Variants in PRKG1 observed in about 807,000 individuals in gnomAD.
The protein encoded by PRKG1 is protein kinase cGMP-dependent 1.
A neutral mutation model predicts 88.1 loss-of-function variants in PRKG1; 35 were observed. The ratio of observed to expected loss-of-function variants is 0.40; its 90% CI spans 0.30 to 0.53. The LOEUF (loss-of-function observed/expected upper bound fraction) is 0.53. Among genes scored for constraint, PRKG1 ranks in the 20% least tolerant of loss-of-function variants. The pLI is 0.59. For synonymous variants in PRKG1, 303 were observed against 292.5 expected (o/e 1.04, Z -0.37); for missense variants, 540 against 839.8 (o/e 0.64, Z 4.41).
At chr10:51,318,289 G>A (rs2132503323) in intron 2 of PRKG1, among the ~76,000 whole-genome samples, 1 of 152,250 alleles carries the variant, frequency 6.6e-6, no homozygotes, top group South Asian at 2.1e-4. Flanking sequence ...ATGTCATAAG[G>A]ATTTGGTAAG....
At chr10:52,115,998 T>C (rs1847677410) in intron 7 of PRKG1, among the ~76,000 whole-genome samples, 3 of 152,030 alleles carry the variant, frequency 2.0e-5, no homozygotes, top group Non-Finnish European at 2.9e-5. Flanking sequence ...CTCAGCAATA[T>C]AGACAGGAAG....
chr10:51,459,356 C>A (rs1285751733), intron 2 of PRKG1, among the ~76,000 whole-genome samples: 1 of 152,134 alleles, frequency 6.6e-6, no homozygotes, highest in Non-Finnish European at 1.5e-5. Flanking sequence ...AAGTATGAGA[C>A]TTTCCCACTG....
At chr10:51,962,110 A>G (rs1589460005) in intron 5 of PRKG1, among the ~76,000 whole-genome samples, 1 of 152,146 alleles carries the variant, frequency 6.6e-6, no homozygotes, top group Non-Finnish European at 1.5e-5. Context: ...CAAAGAGTAC[A>G]CCACAGGCTG....
At chr10:51,352,918 CA>C (rs1383045630) in intron 2 of PRKG1, among the ~76,000 whole-genome samples, 6 of 151,930 alleles carry the variant, frequency 3.9e-5, no homozygotes, top group African/African-American at 1.4e-4. Context: ...ACAAACAAAA[CA>C]AACAACAACA....
chr10:51,078,333 C>G (rs1176006176), intron 1 of PRKG1, among the ~76,000 whole-genome samples: 1 of 151,188 alleles, frequency 6.6e-6, no homozygotes, highest in Non-Finnish European at 1.5e-5. Context: ...ACTCTCCCAT[C>G]GCAGCCTCCT....
At chr10:51,574,774 A>G (rs932131680) in intron 3 of PRKG1, among the ~76,000 whole-genome samples, 1 of 151,996 alleles carries the variant, frequency 6.6e-6, no homozygotes, top group South Asian at 2.1e-4. Context: ...AACAGACTTT[A>G]TAGCCTTCTC....
intron 7 of PRKG1, among the ~76,000 whole-genome samples, chr10:52,115,976 C>A (rs753386516): frequency 6.6e-6 from 1 of 151,874 alleles, no homozygotes; most frequent in Non-Finnish European, 1.5e-5. Flanking sequence ...CCAGTAGTCT[C>A]GGAGAGCTCC....
At chr10:52,228,512 T>C (rs1414917330) in intron 9 of PRKG1, among the ~76,000 whole-genome samples, 2 of 152,184 alleles carry the variant, frequency 1.3e-5, no homozygotes, top group African/African-American at 4.8e-5. Flanking sequence ...GAGAGGCCTA[T>C]ATTACAAGTT....
intron 3 of PRKG1, among the ~76,000 whole-genome samples, chr10:51,737,331 G>A (rs1837305656): frequency 6.6e-6 from 1 of 152,206 alleles, no homozygotes; most frequent in Admixed American, 6.5e-5. Flanking sequence ...TGATTCTAAA[G>A]AGCGTGTCTC....
At chr10:51,412,753 C>T (rs1393233823) in intron 2 of PRKG1, among the ~76,000 whole-genome samples, 2 of 152,098 alleles carry the variant, frequency 1.3e-5, no homozygotes, top group African/African-American at 2.4e-5. Context: ...TACTGAGAAA[C>T]GGCTGAGGTA....
At chr10:51,509,983 T>A (rs1013612808) in intron 3 of PRKG1, among the ~76,000 whole-genome samples, 5 of 152,136 alleles carry the variant, frequency 3.3e-5, no homozygotes, top group African/African-American at 1.2e-4. Flanking sequence ...CTCACTGAGA[T>A]GATAAGACTG....
chr10:52,129,121 C>A (rs1837183394), intron 7 of PRKG1, among the ~76,000 whole-genome samples: 2 of 152,106 alleles, frequency 1.3e-5, no homozygotes, highest in South Asian at 4.1e-4. Flanking sequence ...AAAAATAATG[C>A]TTTTCTCCTC....
intron 3 of PRKG1, among the ~76,000 whole-genome samples, chr10:51,566,682 C>A (rs1837613968): frequency 6.6e-6 from 1 of 151,810 alleles, no homozygotes. Flanking sequence ...AAAACATTTC[C>A]AGCAGTGAGA....
In PRKG1 at chr10:52,024,323, T is replaced by G. The variant is rs1226378286; in HGVS notation, c.763-30161T>G. 2.5e-3 allele frequency among the ~76,000 whole-genome samples: 373 copies of G among 149,634 alleles called. 2 individuals are homozygous for G. The highest frequency in any genetic ancestry group is 8.7e-3 in the African/African-American group (347 of 40,114). ...CATTTATTTATTTATTTAACTTTTTTTTTTATTCTTTTTTTTATTATTATA... is the reference window on the plus strand; with the variant it reads ...CATTTATTTATTTATTTAACTTTTTGTTTTATTCTTTTTTTTATTATTATA... On this transcript the variant is annotated intron_variant, in intron 5 of 17. Coordinates refer to ENST00000373980, the MANE Select transcript of PRKG1 (RefSeq NM_006258.4).
chr10:51,316,723 T>C (rs1307842734), intron 2 of PRKG1, among the ~76,000 whole-genome samples: 3 of 147,074 alleles, frequency 2.0e-5, no homozygotes, highest in South Asian at 2.2e-4. Context: ...AAGACAAAAA[T>C]GAATTGCGAT....
In PRKG1 at chr10:51,408,326, G is replaced by A. The variant is rs191496603; in HGVS notation, c.479-59397G>A. Among the ~76,000 whole-genome samples, 464 of 152,328 alleles carry A rather than the reference G, an allele frequency of 3.0e-3. 5 individuals carry two copies. The highest frequency in any genetic ancestry group is 0.011 in the African/African-American group (446 of 41,570). On this transcript the variant is annotated intron_variant, in intron 2 of 17. Transcript: ENST00000373980. The stretch of plus-strand genomic sequence containing the variant: ...GATGATGGGGAACATGGTAAGACCA[G>A]TGAATTCCATGAGCATGAGCCCACT...
At chr10:51,870,962 C>A (rs146974207) in intron 4 of PRKG1, among the ~76,000 whole-genome samples, 121 of 152,276 alleles carry the variant, frequency 7.9e-4, no homozygotes, top group African/African-American at 2.7e-3. Flanking sequence ...ACCCCACCCC[C>A]TAGGCAAGCT....
intron 3 of PRKG1, among the ~76,000 whole-genome samples, chr10:51,655,119 T>C (rs1430038972): frequency 3.3e-5 from 5 of 152,192 alleles, no homozygotes; most frequent in Admixed American, 6.5e-5. Flanking sequence ...CTGGGCCACA[T>C]GCCCAGTATC....
intron 6 of PRKG1, among the ~76,000 whole-genome samples, chr10:52,058,498 C>T (rs1007657176): frequency 6.6e-5 from 10 of 151,962 alleles, no homozygotes; most frequent in African/African-American, 2.2e-4. Context: ...GTATCTACAA[C>T]ATGCCTACAG....
Sources: allele counts gnomAD v4.1 joint callset (sites outside exome capture counted in the v4.1 genomes callset), GRCh38; gene constraint gnomAD v4.1.1; transcripts MANE v1.5; gene names NCBI Gene and HGNC (gene_info 2026-07-23, HGNC 2026-07-21).